Variants in TEX36 observed in about 807,000 individuals in gnomAD.
The protein encoded by TEX36 is testis expressed 36.
TEX36 carries 12 observed loss-of-function variants against 13.6 expected under a neutral mutation model. The observed-to-expected ratio is 0.88, with a 90% confidence interval of 0.56 to 1.43. TEX36 has a LOEUF of 1.43. Among genes scored for constraint, TEX36 ranks in the 40% most tolerant of loss-of-function variants. TEX36 has a pLI of 0.00. For synonymous variants in TEX36, 93 were observed against 83.0 expected (o/e 1.12, Z -0.65); for missense variants, 224 against 228.3 (o/e 0.98, Z 0.12).
intron 1 of TEX36, among the ~76,000 whole-genome samples, chr10:125,674,938 C>T (rs1186909240): frequency 6.6e-6 from 1 of 152,252 alleles, no homozygotes; most frequent in Non-Finnish European, 1.5e-5. Flanking sequence ...CTGGCTGCCC[C>T]TTGGCAAAGT....
intron 3 of TEX36, among the ~76,000 whole-genome samples, chr10:125,609,375 C>G (rs1846261551): frequency 1.3e-5 from 2 of 152,126 alleles, no homozygotes; most frequent in Admixed American, 1.3e-4. Context: ...GCTAGTCACC[C>G]AGCACGGTTC....
chr10:125,637,841 C>T (rs1846639291), intron 3 of TEX36, among the ~76,000 whole-genome samples: 1 of 152,098 alleles, frequency 6.6e-6, no homozygotes, highest in Non-Finnish European at 1.5e-5. Flanking sequence ...TCGCATTCTT[C>T]ATTTTCTCCT....
downstream of TEX36, among the ~76,000 whole-genome samples, chr10:125,619,905 A>G (rs1289429370): frequency 1.3e-5 from 2 of 151,794 alleles, no homozygotes; most frequent in Non-Finnish European, 2.9e-5. Flanking sequence ...GCATATATAT[A>G]TATACATCTA....
chr10:125,673,963 G>T (rs921441119), intron 1 of TEX36, among the ~76,000 whole-genome samples: 3 of 152,046 alleles, frequency 2.0e-5, no homozygotes, highest in African/African-American at 7.2e-5. Flanking sequence ...TTTGAATGTT[G>T]ACCTGTCTTT....
At chr10:125,613,156 G>C (rs1035820794) in intron 3 of TEX36, among the ~76,000 whole-genome samples, 1 of 150,294 alleles carries the variant, frequency 6.7e-6, no homozygotes, top group Non-Finnish European at 1.5e-5. Context: ...CAGCTCTGCC[G>C]CTCGGCTGGA....
intron 3 of TEX36, among the ~76,000 whole-genome samples, chr10:125,582,377 G>A (rs1486321262): frequency 6.6e-6 from 1 of 152,236 alleles, no homozygotes; most frequent in African/African-American, 2.4e-5. Flanking sequence ...GCTCTGGAAG[G>A]TGAGGTGGCT....
chr10:125,591,005 T>G (rs1846015468), intron 3 of TEX36, among the ~76,000 whole-genome samples: 1 of 152,146 alleles, frequency 6.6e-6, no homozygotes, highest in Admixed American at 6.5e-5. Flanking sequence ...GTGAATCGTC[T>G]CACAACGGGC....
chr10:125,593,814 A>G lies in TEX36; in HGVS notation c.265-16940T>C, dbSNP rs147433151. Among the ~76,000 whole-genome samples, 105 of 152,358 alleles carry G rather than the reference A, an allele frequency of 6.9e-4. No individual in the cohort carries two copies. In the Middle Eastern group the frequency reaches 0.02, roughly 30 times the overall value. ...GCACAGAGTTTCTGTTGAGGATGATAGAAAGTTTCTGGAGATGGATGGCGG... is the reference window on the plus strand; with the variant it reads ...GCACAGAGTTTCTGTTGAGGATGATGGAAAGTTTCTGGAGATGGATGGCGG... On this transcript the variant is annotated intron_variant, in intron 3 of 3. Coordinates refer to the TEX36 transcript ENST00000532135.
At chr10:125,653,975 A>G (rs1034150997), downstream of TEX36, among the ~76,000 whole-genome samples, 5 of 152,196 alleles carry the variant, frequency 3.3e-5, no homozygotes, top group Admixed American at 1.3e-4. Context: ...TCTCTTAAAA[A>G]GAAAAGAAAA....
At chr10:125,576,847 C>T in exon 4 of TEX36, 5 of 1,536,078 alleles carry the variant, frequency 3.3e-6, no homozygotes, top group Non-Finnish European at 3.5e-6. Flanking sequence ...TCTGGTTCTC[C>T]CTGTGGGTCC....
chr10:125,621,481 T>C, downstream of TEX36: 1 of 396,356 alleles, frequency 2.5e-6, no homozygotes, highest in Non-Finnish European at 5.1e-6. Context: ...GTGGTGTGTA[T>C]CTTCCCAGTG....
At position 125,655,843 on chromosome 10, in the gene TEX36, T is replaced by C. The variant is rs563481789; in HGVS notation, c.*57A>G. ...TGCTGGATCAGAAAACATATACTTTTAGGATGTCTGATGAAATACCAGTAT... is the reference window on the plus strand; with the variant it reads ...TGCTGGATCAGAAAACATATACTTTCAGGATGTCTGATGAAATACCAGTAT... On this transcript the variant is annotated 3_prime_UTR_variant, in exon 4 of 4. Transcript: ENST00000368821. 4.2e-6 allele frequency: 6 copies of C among 1,433,610 alleles called. No individual in the cohort carries two copies. The South Asian group carries it at 9.5e-5, about 23-fold the overall frequency. The allele number at this position is 1,433,610 out of a possible 1,614,324, so 88.8% of individuals were successfully genotyped here.
At chr10:125,629,574 G>T (rs1846527697) in intron 3 of TEX36, among the ~76,000 whole-genome samples, 1 of 152,012 alleles carries the variant, frequency 6.6e-6, no homozygotes, top group Non-Finnish European at 1.5e-5. Context: ...GTCAGGAAAT[G>T]TTTATCCCAC....
chr10:125,596,298 A>G (rs1846081479), intron 3 of TEX36, among the ~76,000 whole-genome samples: 3 of 152,216 alleles, frequency 2.0e-5, no homozygotes, highest in Non-Finnish European at 4.4e-5. Context: ...ATAAGAGGAG[A>G]GAAGAAGGTC....
chr10:125,651,566 G>A (rs373927668), downstream of TEX36, among the ~76,000 whole-genome samples: 19 of 152,106 alleles, frequency 1.2e-4, no homozygotes, highest in East Asian at 2.5e-3. Context: ...AACTGGAAGC[G>A]TTTCCTTTGA....
chr10:125,677,585 A>C (rs1958179), intron 1 of TEX36, among the ~76,000 whole-genome samples: 46,189 of 151,980 alleles, frequency 0.3, 10,307 homozygotes, highest in African/African-American at 0.6. Context: ...TTCTCCTTGG[A>C]AAATTTCTCA....
intron 3 of TEX36, among the ~76,000 whole-genome samples, chr10:125,580,823 G>A (rs1845873303): frequency 6.6e-6 from 1 of 152,118 alleles, no homozygotes. Flanking sequence ...ATTGGCATAG[G>A]GATGGTCACA....
chr10:125,625,403 A>G (rs868848812), intron 3 of TEX36, among the ~76,000 whole-genome samples: 1 of 152,240 alleles, frequency 6.6e-6, no homozygotes, highest in Non-Finnish European at 1.5e-5. Flanking sequence ...GAAGACAGAG[A>G]GTTGCCCAAA....
intron 3 of TEX36, among the ~76,000 whole-genome samples, chr10:125,610,251 AC>A (rs1565173678): frequency 6.6e-6 from 1 of 152,172 alleles, no homozygotes; most frequent in African/African-American, 2.4e-5. Flanking sequence ...TGGAGTAGCC[AC>A]CCTTTCATTC....
Sources: allele counts gnomAD v4.1 joint callset (sites outside exome capture counted in the v4.1 genomes callset), GRCh38; gene constraint gnomAD v4.1.1; transcripts MANE v1.5; gene names NCBI Gene and HGNC (gene_info 2026-07-23, HGNC 2026-07-21).